SNTG1: variants seen among roughly 807,000 people sequenced by gnomAD.
SNTG1 encodes the protein syntrophin gamma 1.
SNTG1 carries 39 observed loss-of-function variants against 74.7 expected under a neutral mutation model. That is an observed-to-expected ratio of 0.52 (90% CI 0.40 to 0.68). The LOEUF (loss-of-function observed/expected upper bound fraction) is 0.68, where lower values mean the gene tolerates loss of function less well. Ranked by LOEUF, SNTG1 falls within the 30% of genes least tolerant of loss-of-function variation. SNTG1 has a pLI of 0.00. For missense variants in SNTG1, 685 were observed against 609.5 expected (o/e 1.12, Z -1.30); for synonymous variants, 254 against 217.1 (o/e 1.17, Z -1.49).
intron 2 of SNTG1, among the ~76,000 whole-genome samples, chr8:50,341,021 T>C (rs2091300485): frequency 1.3e-5 from 2 of 151,932 alleles, no homozygotes; most frequent in Admixed American, 1.3e-4. Flanking sequence ...TAGTTACAAA[T>C]GAAAACAAAG....
In SNTG1 at chr8:50,590,885, A is replaced by C. The variant is rs370352160; in HGVS notation, c.817A>C (p.Lys273Gln). The change falls in exon 13 of 19, where the codon AAA becomes CAA. Residue 273 changes from lysine (K) to glutamine (Q), a missense_variant. Transcript: ENST00000642720. ...ISNLTKHNIK[K>Q]INRNFPVNQQ... ...TATTTATTTATCATTGCAGATTAAAAAAATCAACAGAAACTTTCCTGTAAA... is the reference window on the plus strand; with the variant it reads ...TATTTATTTATCATTGCAGATTAAACAAATCAACAGAAACTTTCCTGTAAA... The C allele has an allele frequency of 3.2e-6, 5 of 1,569,154 alleles. No individual in the cohort carries two copies. The African/African-American group carries it at 6.8e-5, about 21-fold the overall frequency.
At chr8:50,526,170 G>A (rs987315330) in intron 9 of SNTG1, among the ~76,000 whole-genome samples, 1 of 152,084 alleles carries the variant, frequency 6.6e-6, no homozygotes, top group Non-Finnish European at 1.5e-5. Flanking sequence ...ATGAGCCCCT[G>A]AACTCTTCTG....
chr8:50,245,503 T>C (rs1005567745), intron 2 of SNTG1, among the ~76,000 whole-genome samples: 2 of 151,982 alleles, frequency 1.3e-5, no homozygotes, highest in African/African-American at 4.8e-5. Context: ...GCCGACATGA[T>C]GAAACCCCAT....
intron 2 of SNTG1, among the ~76,000 whole-genome samples, chr8:50,296,605 C>T (rs928050023): frequency 1.3e-5 from 2 of 152,138 alleles, no homozygotes; most frequent in East Asian, 3.9e-4. Context: ...ACACTGGGGC[C>T]TGTCAGGAGG....
At chr8:50,471,092 A>G (rs758128389) in intron 8 of SNTG1, among the ~76,000 whole-genome samples, 1 of 152,060 alleles carries the variant, frequency 6.6e-6, no homozygotes, top group Non-Finnish European at 1.5e-5. Context: ...TGGTGCATTT[A>G]CAATCCTTTA....
intron 13 of SNTG1, among the ~76,000 whole-genome samples, chr8:50,622,403 T>G (rs958769037): frequency 1.3e-5 from 2 of 152,188 alleles, no homozygotes; most frequent in African/African-American, 4.8e-5. Flanking sequence ...GATAATAATC[T>G]GTAGGTTTTT....
chr8:50,115,977 T>A (rs1307369998), intron 1 of SNTG1, among the ~76,000 whole-genome samples: 1 of 152,138 alleles, frequency 6.6e-6, no homozygotes, highest in Non-Finnish European at 1.5e-5. Context: ...ACTGTGCAGC[T>A]GAAGCAGCCC....
chr8:50,362,377 C>T (rs918665095), intron 2 of SNTG1, among the ~76,000 whole-genome samples: 6 of 152,220 alleles, frequency 3.9e-5, no homozygotes, highest in South Asian at 2.1e-4. Context: ...TAGCTTTGAC[C>T]TGGAAAATGA....
intron 15 of SNTG1, among the ~76,000 whole-genome samples, chr8:50,699,587 A>G (rs1181336647): frequency 1.3e-5 from 2 of 152,160 alleles, no homozygotes; most frequent in Non-Finnish European, 2.9e-5. Flanking sequence ...AACAAAATAG[A>G]AGATACTTCT....
intron 1 of SNTG1, among the ~76,000 whole-genome samples, chr8:50,171,408 TGTA>T (rs1220760785): frequency 1.1e-4 from 17 of 152,120 alleles, no homozygotes; most frequent in African/African-American, 3.4e-4. Flanking sequence ...AGGAGAAATA[TGTA>T]GGCTGGGCCG....
At chr8:50,402,709 TGGTGCCAG>T (rs2092822717) in intron 4 of SNTG1, among the ~76,000 whole-genome samples, 1 of 152,046 alleles carries the variant, frequency 6.6e-6, no homozygotes, top group African/African-American at 2.4e-5. Context: ...CTACTGAGAG[TGGTGCCAG>T]GGTGGGGCCC....
At chr8:50,648,667 T>A (rs1161713835) in intron 13 of SNTG1, among the ~76,000 whole-genome samples, 1 of 152,116 alleles carries the variant, frequency 6.6e-6, no homozygotes, top group Non-Finnish European at 1.5e-5. Context: ...TTGTATGACA[T>A]TTTAAAAACA....
intron 2 of SNTG1, among the ~76,000 whole-genome samples, chr8:50,363,164 A>G (rs1326800846): frequency 2.0e-5 from 3 of 152,216 alleles, no homozygotes; most frequent in Non-Finnish European, 4.4e-5. Context: ...CGACTAAATC[A>G]TCGACACTTT....
chr8:50,158,435 A>G (rs1446942386), intron 1 of SNTG1, among the ~76,000 whole-genome samples: 3 of 152,158 alleles, frequency 2.0e-5, no homozygotes, highest in Non-Finnish European at 2.9e-5. Flanking sequence ...CCAGGGATTG[A>G]CAATACTCAG....
intron 1 of SNTG1, among the ~76,000 whole-genome samples, chr8:49,983,266 G>A (rs971978997): frequency 6.6e-6 from 1 of 152,122 alleles, no homozygotes; most frequent in African/African-American, 2.4e-5. Flanking sequence ...TGTAAACAGC[G>A]AGTTGTCTAT....
At chr8:50,455,333 CA>C (rs34181733) in intron 8 of SNTG1, among the ~76,000 whole-genome samples, 2 of 151,492 alleles carry the variant, frequency 1.3e-5, no homozygotes, top group African/African-American at 2.4e-5. Context: ...TTATGGGTTT[CA>C]AAAAAAATAT....
intron 2 of SNTG1, among the ~76,000 whole-genome samples, chr8:50,338,320 C>T (rs1449186017): frequency 6.6e-6 from 1 of 152,076 alleles, no homozygotes; most frequent in Non-Finnish European, 1.5e-5. Context: ...ATAGCTCACA[C>T]TAATGATCTA....
chr8:50,513,524 C>T (rs1209754159), intron 9 of SNTG1, among the ~76,000 whole-genome samples: 1 of 152,256 alleles, frequency 6.6e-6, no homozygotes, highest in South Asian at 2.1e-4. Context: ...GCGGAGCCTA[C>T]AAAGGCAGGC....
chr8:50,143,096 A>C (rs2081730896), intron 1 of SNTG1, among the ~76,000 whole-genome samples: 1 of 151,950 alleles, frequency 6.6e-6, no homozygotes, highest in Admixed American at 6.6e-5. Context: ...TAAATAAATA[A>C]ATAAAAATAA....
Sources: gnomAD v4.1 joint callset for allele counts (sites outside exome capture counted in the v4.1 genomes callset) on GRCh38, gnomAD v4.1.1 for gene constraint, MANE v1.5 for transcripts, NCBI Gene and HGNC (gene_info 2026-07-23, HGNC 2026-07-21) for gene names.